Variants in ZNF283 observed in about 807,000 individuals in gnomAD.
ZNF283 encodes zinc finger protein 283.
Under a neutral mutation model 9.2 loss-of-function variants are expected in ZNF283, and 10 were observed. The ratio of observed to expected loss-of-function variants is 1.09; its 90% CI spans 0.67 to 1.85. The LOEUF is 1.85. Among genes scored for constraint, ZNF283 ranks in the 40% most tolerant of loss-of-function variants. The pLI, the probability that ZNF283 is intolerant of heterozygous loss-of-function variation, is 0.00. For synonymous variants in ZNF283, 234 were observed against 244.1 expected, an observed-to-expected ratio of 0.96 and a Z score of 0.38; for missense variants, 631 against 760.1, an observed-to-expected ratio of 0.83 and a Z score of 2.00.
intron 4 of ZNF283, among the ~76,000 whole-genome samples, 159 bp from the exon 5 acceptor site, chr19:43,835,346 T>C (rs560408232): frequency 6.6e-6 from 1 of 152,326 alleles, no homozygotes; most frequent in South Asian, 2.1e-4. Context: ...ACCTCCCTGC[T>C]GAAGACCTTT....
At chr19:43,828,560 A>T (rs1236125196) in intron 2 of ZNF283, among the ~76,000 whole-genome samples, 1 of 152,200 alleles carries the variant, frequency 6.6e-6, no homozygotes, top group African/African-American at 2.4e-5. Flanking sequence ...TTGCTATTAG[A>T]GCATTATTTT....
chr19:43,847,749 C>G lies in ZNF283; in HGVS notation c.1148C>G (p.Ala383Gly). ...KPYECKICGK[A>G]FCWGYQLTRH... ...TATGAATGTAAAATATGTGGAAAGG[C>G]TTTTTGTTGGGGCTATCAACTTACT... The change falls in exon 7 of 7, where the codon GCT (alanine) becomes GGT (glycine). Residue 383 changes from alanine (A) to glycine (G), a missense_variant. Physicochemically the swap from Ala to Gly is moderately conservative, Grantham distance 60 (BLOSUM62 0). This residue lies in a region of ZNF283 where 444 missense variants were observed against 522.5 expected (regional missense o/e 0.85). Transcript: ENST00000618787. 1 of 1,613,228 alleles carries G rather than the reference C, an allele frequency of 6.2e-7. No individual in the cohort carries two copies. Among genetic ancestry groups the G allele is most frequent in the Admixed American group, 1.7e-5 (1 of 59,944 alleles).
Position 43,847,785 on chromosome 19 carries a change from T to C in ZNF283, c.1184T>C (p.Ile395Thr). 6.2e-7 allele frequency: 1 copy of C among 1,608,734 alleles called. No homozygotes were observed. Among genetic ancestry groups the C allele is most frequent in the Non-Finnish European group, 8.5e-7 (1 of 1,178,000 alleles). Residue 395 changes from isoleucine (I) to threonine (T), a missense_variant, in exon 7 of 7, where the codon ATA (isoleucine) becomes ACA (threonine). Ile to Thr is a moderately conservative substitution (Grantham distance 89). Around this residue, in one of 3 missense-constraint regions of ZNF283, gnomAD observed 444 missense variants for 522.5 expected, o/e 0.85. Coordinates refer to ENST00000618787, the MANE Select transcript of ZNF283 (RefSeq NM_181845.2). ...GGCTATCAACTTACTCGACATCAGATATTTCATACTGGTGAGAAACCCTAT... is the reference window on the plus strand; with the variant it reads ...GGCTATCAACTTACTCGACATCAGACATTTCATACTGGTGAGAAACCCTAT... ...CWGYQLTRHQ[I>T]FHTGEKPYEC...
At chr19:43,838,293 C>A (rs1461198402) in intron 6 of ZNF283, among the ~76,000 whole-genome samples, 1 of 152,118 alleles carries the variant, frequency 6.6e-6, no homozygotes, top group Non-Finnish European at 1.5e-5. Context: ...TTTTTCCCTT[C>A]CACAACTATT....
intron 6 of ZNF283, among the ~76,000 whole-genome samples, chr19:43,845,910 C>T (rs772294578): frequency 2.0e-5 from 3 of 151,970 alleles, no homozygotes; most frequent in Non-Finnish European, 4.4e-5. Context: ...ATATAATTAA[C>T]AGTATTAATG....
At chr19:43,845,284 G>A (rs1177637911) in intron 6 of ZNF283, among the ~76,000 whole-genome samples, 1 of 152,148 alleles carries the variant, frequency 6.6e-6, no homozygotes, top group Non-Finnish European at 1.5e-5. Flanking sequence ...ATTGTTTCTA[G>A]TATCTTTTGT....
At chr19:43,831,857 G>A (rs1457797055) in intron 3 of ZNF283, among the ~76,000 whole-genome samples, 2 of 152,148 alleles carry the variant, frequency 1.3e-5, no homozygotes, top group African/African-American at 2.4e-5. Flanking sequence ...TTGAACTCCT[G>A]AGCTCAAGCA....
rs1024961287 is a variant in ZNF283, at chr19:43,848,226, C to T, written c.1625C>T (p.Pro542Leu). 1 of 1,613,742 alleles carries T rather than the reference C, an allele frequency of 6.2e-7. No homozygotes were observed. The highest frequency in any genetic ancestry group is 1.3e-5 in the African/African-American group (1 of 74,920). The change falls in exon 7 of 7, where the codon CCC becomes CTC. Residue 542 changes from proline (P) to leucine (L), a missense_variant. Around this residue, in one of 3 missense-constraint regions of ZNF283, gnomAD observed 444 missense variants for 522.5 expected, o/e 0.85. Transcript: ENST00000618787. ...GAAAGAATCCATACAGGGGAGAAAC[C>T]CTATGAATGTAAAGAATGTGGGAAG... ...QHERIHTGEK[P>L]YECKECGKAF...
chr19:43,836,953 A>G, intron 5 of ZNF283, 100 bp from the exon 6 acceptor site: 1 of 1,330,102 alleles, frequency 7.5e-7, no homozygotes, highest in Non-Finnish European at 1.1e-6. Flanking sequence ...CGATTGTTAT[A>G]TTTCTCCCCC....
At chr19:43,836,952 T>C in intron 5 of ZNF283, 101 bp from the exon 6 acceptor site, 4 of 1,324,268 alleles carry the variant, frequency 3.0e-6, no homozygotes, top group Admixed American at 2.0e-5. Flanking sequence ...TCGATTGTTA[T>C]ATTTCTCCCC....
At chr19:43,836,651 T>C (rs892331682) in intron 5 of ZNF283, among the ~76,000 whole-genome samples, 2 of 152,200 alleles carry the variant, frequency 1.3e-5, no homozygotes, top group African/African-American at 4.8e-5. Context: ...CTTGTTTTTA[T>C]TTCTTAAAGG....
chr19:43,842,548 G>C lies in ZNF283; in HGVS notation c.338-4391G>C, dbSNP rs576458797. Among the ~76,000 whole-genome samples, 6 of 152,276 alleles carry C rather than the reference G, an allele frequency of 3.9e-5. No individual in the cohort carries two copies. The South Asian group carries it at 1.2e-3, about 32-fold the overall frequency. On this transcript the variant is annotated intron_variant, in intron 6 of 6. Transcript: ENST00000618787. Reference sequence around the variant, plus strand: ...TTTTAAGAGTTGATTTTTGAAGGCAGGTACAGTTTGGTTTTATCCTTAGTC... The same window carrying C: ...TTTTAAGAGTTGATTTTTGAAGGCACGTACAGTTTGGTTTTATCCTTAGTC...
rs541039443 is a variant in ZNF283, at chr19:43,830,252, A to G, written c.-64-1066A>G. On this transcript the variant is annotated intron_variant, in intron 2 of 6. Coordinates refer to ENST00000618787, the MANE Select transcript of ZNF283 (RefSeq NM_181845.2). ...ACAAAGCCTGACCAGTTTTTGTTGT[A>G]TTTTTTATAGAGAGGGGGTTTTGCT... Among the ~76,000 whole-genome samples, 3 of 151,820 alleles carry G rather than the reference A, an allele frequency of 2.0e-5. No individual in the cohort carries two copies. The East Asian group carries it at 5.9e-4, about 30-fold the overall frequency.
rs531016014 is a variant in ZNF283, at chr19:43,838,809, G to A, written c.337+1630G>A. On this transcript the variant is annotated intron_variant, in intron 6 of 6. Transcript: ENST00000618787. ...TGATATGGCTTTTTGGCACATCTCCGTCACTCTTTGAGTACCTCCTGGTTT... is the reference window on the plus strand; with the variant it reads ...TGATATGGCTTTTTGGCACATCTCCATCACTCTTTGAGTACCTCCTGGTTT... Among the ~76,000 whole-genome samples the A allele has an allele frequency of 3.3e-5, 5 of 152,162 alleles. No individual in the cohort carries two copies. In the South Asian group the frequency reaches 8.3e-4, roughly 25 times the overall value.
At position 43,848,357 on chromosome 19, in the gene ZNF283, C is replaced by T. The variant is rs2146593488; in HGVS notation, c.1756C>T (p.Leu586=). 1.1e-5 allele frequency: 17 copies of T among 1,613,774 alleles called. No individual in the cohort carries two copies. Among genetic ancestry groups the T allele is most frequent in the Non-Finnish European group, 1.4e-5 (17 of 1,179,916 alleles). The change falls in exon 7 of 7, where the codon CTA becomes TTA. Residue 586 remains leucine, a synonymous_variant. Transcript: ENST00000618787. The stretch of plus-strand genomic sequence containing the variant: ...GAAGGCCTTCAGTTGGGGTTCAAGC[C>T]TAGTTAAGCATGAGAGAGTCCATAC... The part of the protein sequence containing the change: ...CGKAFSWGSS[L]VKHERVHTNE...
At chr19:43,834,934 C>T (rs779402615) in intron 4 of ZNF283, among the ~76,000 whole-genome samples, 1 of 152,102 alleles carries the variant, frequency 6.6e-6, no homozygotes, top group African/African-American at 2.4e-5. Flanking sequence ...AACATTTTTT[C>T]ATCTATTGAT....
chr19:43,841,896 T>C (rs895513174), intron 6 of ZNF283, among the ~76,000 whole-genome samples: 4 of 152,220 alleles, frequency 2.6e-5, no homozygotes, highest in African/African-American at 4.8e-5. Context: ...ATATATACTT[T>C]ATTCTCTGTT....
intron 5 of ZNF283, among the ~76,000 whole-genome samples, chr19:43,835,960 C>A (rs971641642): frequency 6.6e-6 from 1 of 152,142 alleles, no homozygotes; most frequent in African/African-American, 2.4e-5. Flanking sequence ...TGTGCAATAT[C>A]CTATATCAGT....
At chr19:43,842,476 A>ATTTAG (rs3079671) in intron 6 of ZNF283, among the ~76,000 whole-genome samples, 61,281 of 151,762 alleles carry the variant, frequency 0.4, 12,751 homozygotes, top group South Asian at 0.55. Flanking sequence ...CCTAATAGTT[A>ATTTAG]AACTGTTCAG....
Sources: allele counts gnomAD v4.1 joint callset (sites outside exome capture counted in the v4.1 genomes callset), GRCh38; gene constraint gnomAD v4.1.1; regional missense constraint gnomAD v4.1.1; transcripts MANE v1.5; gene names NCBI Gene and HGNC (gene_info 2026-07-23, HGNC 2026-07-21).